The following GBE1 variants were observed in gnomAD, a reference collection of about 807,000 sequenced individuals.
GBE1 encodes 1,4-alpha-glucan-branching enzyme.
Under a neutral mutation model 88.8 loss-of-function variants are expected in GBE1, and 70 were observed. The observed-to-expected ratio is 0.79, with a 90% CI of 0.65 to 0.96. The LOEUF is 0.96. Among genes scored for constraint, GBE1 ranks in the 40% least tolerant of loss-of-function variants. The pLI, the probability that GBE1 is intolerant of heterozygous loss-of-function variation, is 0.00. For synonymous variants in GBE1, 284 were observed against 300.1 expected (o/e 0.95, Z 0.56); for missense variants, 872 against 871.0 (o/e 1.00, Z -0.01).
intron 15 of GBE1, among the ~76,000 whole-genome samples, chr3:81,494,430 G>T (rs535350195): frequency 1.4e-4 from 22 of 152,034 alleles, no homozygotes; most frequent in South Asian, 1.0e-3. Context: ...TGATTAATGT[G>T]GCAAGAGAAA....
At chr3:81,739,278 GC>G (rs1706315537) in intron 1 of GBE1, among the ~76,000 whole-genome samples, 1 of 152,076 alleles carries the variant, frequency 6.6e-6, no homozygotes, top group Non-Finnish European at 1.5e-5. Context: ...CCAAGTCTCA[GC>G]TTTTAACCAC....
At chr3:81,570,650 A>C (rs1250932253) in intron 12 of GBE1, among the ~76,000 whole-genome samples, 1 of 152,236 alleles carries the variant, frequency 6.6e-6, no homozygotes, top group African/African-American at 2.4e-5. Context: ...AAGCAGAGAT[A>C]TCTGGGTGGA....
In GBE1 at chr3:81,641,080, CAT is replaced by C. The variant is rs566796446; in HGVS notation, c.992+1699_992+1700del. Reference sequence around the variant, plus strand: ...GTACAACAAGGTACACTACAATAAACATGTGAATAAAATAAAAATGTTGTATA... The same window carrying C: ...GTACAACAAGGTACACTACAATAAACGTGAATAAAATAAAAATGTTGTATA... On this transcript the variant is annotated intron_variant, in intron 7 of 15. Coordinates refer to ENST00000429644, the MANE Select transcript of GBE1 (RefSeq NM_000158.4). Among the ~76,000 whole-genome samples, 682 of 152,166 alleles carry C rather than the reference CAT, an allele frequency of 4.5e-3. 8 individuals carry two copies. Among genetic ancestry groups the C allele is most frequent in the African/African-American group, 0.014 (597 of 41,556 alleles).
intron 12 of GBE1, among the ~76,000 whole-genome samples, chr3:81,540,875 T>TTC (rs1320860228): frequency 2.0e-5 from 3 of 152,038 alleles, no homozygotes; most frequent in African/African-American, 7.2e-5. Context: ...AGCCTCTGAA[T>TTC]AAGCTCTCAA....
chr3:81,722,915 T>TATATATATATAC (rs1347664692), intron 1 of GBE1, among the ~76,000 whole-genome samples: 33 of 145,476 alleles, frequency 2.3e-4, no homozygotes, highest in Middle Eastern at 3.6e-3. Flanking sequence ...TATATATATA[T>TATATATATATAC]ACACACAAGT....
chr3:81,500,093 G>A (rs973462067), intron 14 of GBE1, among the ~76,000 whole-genome samples: 10 of 152,108 alleles, frequency 6.6e-5, no homozygotes, highest in Admixed American at 3.3e-4. Flanking sequence ...AAGGAACAAT[G>A]AGCCATCATT....
intron 3 of GBE1, 120 bp from the exon 4 acceptor site, chr3:81,650,041 C>G (rs1369169815): frequency 1.4e-6 from 1 of 703,974 alleles, no homozygotes; most frequent in East Asian, 3.1e-5. Context: ...TCTAGACCAC[C>G]ATACAGATGT....
intron 5 of GBE1, among the ~76,000 whole-genome samples, chr3:81,647,576 A>G (rs2107069219): frequency 6.6e-6 from 1 of 152,292 alleles, no homozygotes; most frequent in African/African-American, 2.4e-5. Context: ...ATAATTTGGT[A>G]AAATGTTCGA....
intron 7 of GBE1, among the ~76,000 whole-genome samples, chr3:81,633,190 T>C (rs1704541785): frequency 6.6e-6 from 1 of 152,188 alleles, no homozygotes; most frequent in African/African-American, 2.4e-5. Context: ...GGGTGGCTAG[T>C]AAGTCTGACC....
Position 81,548,506 on chromosome 3 carries a change from A to G in GBE1, c.1619-11411T>C, listed in dbSNP as rs1301781035. Among the ~76,000 whole-genome samples the G allele has an allele frequency of 2.0e-5, 3 of 151,328 alleles. 1 individual carries two copies. The highest frequency in any genetic ancestry group is 7.3e-5 in the African/African-American group (3 of 41,342). On this transcript the variant is annotated intron_variant, in intron 12 of 15. Transcript: ENST00000429644. ...ATTACGTAAAACTCCTCTAATTCTA[A>G]TAGGACTTAGTGTATGTTATTATAA...
chr3:81,634,093 G>A (rs962913423), intron 7 of GBE1, among the ~76,000 whole-genome samples: 8 of 152,118 alleles, frequency 5.3e-5, no homozygotes, highest in Admixed American at 1.3e-4. Flanking sequence ...GAGGAGATCC[G>A]TTTGCCAGGT....
chr3:81,716,397 A>G (rs1490668703), intron 1 of GBE1, among the ~76,000 whole-genome samples: 1 of 152,212 alleles, frequency 6.6e-6, no homozygotes, highest in African/African-American at 2.4e-5. Context: ...AGCGGCTATT[A>G]TTTGTTAAAT....
chr3:81,653,609 T>A (rs1378163210), intron 3 of GBE1, among the ~76,000 whole-genome samples: 1 of 152,166 alleles, frequency 6.6e-6, no homozygotes, highest in East Asian at 1.9e-4. Flanking sequence ...TGTCTATCAG[T>A]CTTGGTGCTA....
chr3:81,646,823 T>C (rs1395101827), intron 5 of GBE1, among the ~76,000 whole-genome samples: 3 of 152,318 alleles, frequency 2.0e-5, no homozygotes, highest in Admixed American at 2.0e-4. Context: ...TTGAAGATTA[T>C]GAAAGCTAAA....
intron 14 of GBE1, chr3:81,509,729 G>A (rs1043994597): frequency 6.6e-6 from 1 of 151,542 alleles, no homozygotes; most frequent in Non-Finnish European, 1.5e-5. Flanking sequence ...ATACTACTTT[G>A]GTCATCAAAG....
In GBE1 at chr3:81,602,858, T is replaced by C. The variant is rs150365021; in HGVS notation, c.993-8835A>G. Among the ~76,000 whole-genome samples, 894 of 152,336 alleles carry C rather than the reference T, an allele frequency of 5.9e-3. 7 individuals are homozygous for C. The highest frequency in any genetic ancestry group is 0.01 in the Middle Eastern group (3 of 294). Reference sequence around the variant, plus strand: ...GAATTTTTCTATTCAAAGAAAATACTTTTGAGACAGTCTTTCCAGCAGCAC... The same window carrying C: ...GAATTTTTCTATTCAAAGAAAATACCTTTGAGACAGTCTTTCCAGCAGCAC... On this transcript the variant is annotated intron_variant, in intron 7 of 15. Transcript: ENST00000429644.
At chr3:81,759,574 C>T (rs1186243575) in intron 1 of GBE1, among the ~76,000 whole-genome samples, 6 of 152,126 alleles carry the variant, frequency 3.9e-5, no homozygotes, top group Non-Finnish European at 5.9e-5. Flanking sequence ...ATTTGATATG[C>T]CTAAATGGAA....
chr3:81,667,340 T>G (rs1025165113), intron 3 of GBE1, among the ~76,000 whole-genome samples: 4 of 152,188 alleles, frequency 2.6e-5, no homozygotes, highest in African/African-American at 9.7e-5. Flanking sequence ...TAAAGGAGTT[T>G]TGGGGCTGAG....
At chr3:81,758,940 C>A (rs746733216) in intron 1 of GBE1, among the ~76,000 whole-genome samples, 3 of 152,178 alleles carry the variant, frequency 2.0e-5, no homozygotes, top group Non-Finnish European at 4.4e-5. Context: ...GGGGGCAGGT[C>A]TTTCCCACGC....
Sources: gnomAD v4.1 joint callset for allele counts (sites outside exome capture counted in the v4.1 genomes callset) on GRCh38, gnomAD v4.1.1 for gene constraint, MANE v1.5 for transcripts, NCBI Gene and HGNC (gene_info 2026-07-23, HGNC 2026-07-21) for gene names.